Variants in DCUN1D1 observed in about 807,000 individuals in gnomAD.
DCUN1D1 encodes defective in cullin neddylation 1 domain containing 1.
A neutral mutation model predicts 39.0 loss-of-function variants in DCUN1D1; 3 were observed. The ratio of observed to expected loss-of-function variants is 0.08; its 90% CI spans 0.04 to 0.20. The LOEUF is 0.20. DCUN1D1 is among the 10% of genes least tolerant of loss of function. The pLI, the probability that DCUN1D1 is intolerant of heterozygous loss-of-function variation, is 1.00. For missense variants in DCUN1D1, 158 were observed against 302.4 expected (o/e 0.52, Z 3.54); for synonymous variants, 82 against 96.3 (o/e 0.85, Z 0.87).
intron 1 of DCUN1D1, among the ~76,000 whole-genome samples, chr3:182,974,747 A>G (rs375572531): frequency 7.1e-6 from 1 of 141,348 alleles, no homozygotes; most frequent in African/African-American, 2.5e-5. Flanking sequence ...GAGTGATTCA[A>G]AAGTATAATA....
chr3:182,982,984 C>T (rs1334664570), upstream of DCUN1D1, among the ~76,000 whole-genome samples: 1 of 152,138 alleles, frequency 6.6e-6, no homozygotes, highest in African/African-American at 2.4e-5. Flanking sequence ...TAACTTCTTA[C>T]CTAATCTTCC....
rs1185222048 is a variant in DCUN1D1, at chr3:182,939,138, G to A, written c.*5956C>T. 9.2e-5 allele frequency: 14 copies of A among 152,170 alleles called. No individual in the cohort carries two copies. Among genetic ancestry groups the A allele is most frequent in the Non-Finnish European group, 1.8e-4 (12 of 68,026 alleles). 9.4% of individuals were successfully genotyped at this position (152,170 alleles called of 1,614,324 possible). On this transcript the variant is annotated 3_prime_UTR_variant, in exon 7 of 7. Transcript: ENST00000292782. ...CAAACTGCACATCCAATCGATACAC[G>A]AGTTGGGATGCCTAGGTATAACTCA...
intron 1 of DCUN1D1, among the ~76,000 whole-genome samples, chr3:182,973,664 G>GTA (rs1237441947): frequency 6.6e-6 from 1 of 151,986 alleles, no homozygotes; most frequent in Non-Finnish European, 1.5e-5. Context: ...AAAATTAGCT[G>GTA]GGCATGGTGG....
intron 1 of DCUN1D1, among the ~76,000 whole-genome samples, chr3:182,969,639 G>C (rs1260832709): frequency 6.6e-6 from 1 of 152,136 alleles, no homozygotes; most frequent in Non-Finnish European, 1.5e-5. Flanking sequence ...GTATTCCAAT[G>C]TTAAAACTAC....
intron 1 of DCUN1D1, 73 bp from the exon 2 acceptor site, chr3:182,965,826 T>A: frequency 1.1e-6 from 1 of 927,932 alleles, no homozygotes; most frequent in Non-Finnish European, 1.7e-6. Flanking sequence ...TATGGCTAAC[T>A]AAACATTCTT....
intron 1 of DCUN1D1, among the ~76,000 whole-genome samples, chr3:182,977,979 G>T (rs1728326761): frequency 1.3e-5 from 2 of 150,602 alleles, no homozygotes; most frequent in South Asian, 2.1e-4. Context: ...GGCACGGGTT[G>T]CAGTGAGCCA....
At chr3:182,961,533 G>A (rs988587771) in intron 3 of DCUN1D1, among the ~76,000 whole-genome samples, 177 bp from the exon 4 acceptor site, 2 of 152,128 alleles carry the variant, frequency 1.3e-5, no homozygotes, top group African/African-American at 4.8e-5. Flanking sequence ...TTAGCTGCGG[G>A]AAGAAGAGGT....
At position 182,938,586 on chromosome 3, in the gene DCUN1D1, C is replaced by T. The variant is rs1048222657; in HGVS notation, c.*6508G>A. The T allele has an allele frequency of 6.6e-6, 1 of 152,074 alleles. No homozygotes were observed. The highest frequency in any genetic ancestry group is 2.4e-5 in the African/African-American group (1 of 41,420). 9.4% of individuals were successfully genotyped at this position (152,074 alleles called of 1,614,324 possible). ...GGCATTTAGATAAATCAAGATTGGC[C>T]ATGGATTGATCATGTTAACATGAGT... On this transcript the variant is annotated 3_prime_UTR_variant, in exon 7 of 7. Transcript: ENST00000292782.
At chr3:182,949,383 A>C (rs1397143040) in intron 4 of DCUN1D1, among the ~76,000 whole-genome samples, 1 of 151,904 alleles carries the variant, frequency 6.6e-6, no homozygotes, top group East Asian at 1.9e-4. Flanking sequence ...AAAAAAGAGC[A>C]AACTTGATGC....
chr3:182,976,434 TATAC>T lies in DCUN1D1; in HGVS notation c.3+4049_3+4052del, dbSNP rs1360580105. Among the ~76,000 whole-genome samples, 43 of 115,450 alleles carry T rather than the reference TATAC, an allele frequency of 3.7e-4. No homozygotes were observed. The Middle Eastern group carries it at 0.013, about 36-fold the overall frequency. The allele number at this position is 115,450 out of a possible 152,430, so 75.7% of individuals were successfully genotyped here. On this transcript the variant is annotated intron_variant, in intron 1 of 6. Coordinates refer to ENST00000292782, the MANE Select transcript of DCUN1D1 (RefSeq NM_020640.4). ...GACCCCCTGTATATACACATGTACA[TATAC>T]ATACATACACACACACACACACACA...
chr3:182,949,564 T>A (rs1325997641), intron 4 of DCUN1D1, among the ~76,000 whole-genome samples: 1 of 151,590 alleles, frequency 6.6e-6, no homozygotes, highest in East Asian at 1.9e-4. Context: ...TAGAAAAAAT[T>A]TAAAAATTAG....
intron 4 of DCUN1D1, among the ~76,000 whole-genome samples, chr3:182,953,343 T>C (rs1177181376): frequency 1.3e-5 from 2 of 152,150 alleles, no homozygotes; most frequent in East Asian, 1.9e-4. Flanking sequence ...AAATGTTAAT[T>C]GTCACAGGTA....
intron 1 of DCUN1D1, among the ~76,000 whole-genome samples, chr3:182,971,729 A>G (rs1349759785): frequency 6.6e-6 from 1 of 152,210 alleles, no homozygotes; most frequent in Non-Finnish European, 1.5e-5. Flanking sequence ...CATTTTACCA[A>G]TGAGGAACCA....
chr3:182,984,304 G>C (rs1728656896), upstream of DCUN1D1, among the ~76,000 whole-genome samples: 2 of 152,188 alleles, frequency 1.3e-5, no homozygotes, highest in South Asian at 4.1e-4. Flanking sequence ...CAATCATCAT[G>C]ATTGGGTGAG....
At position 182,943,381 on chromosome 3, in the gene DCUN1D1, C is replaced by G. The variant is rs1425718531; in HGVS notation, c.*1713G>C. 6 of 152,104 alleles carry G rather than the reference C, an allele frequency of 3.9e-5. No individual in the cohort carries two copies. Among genetic ancestry groups the G allele is most frequent in the Non-Finnish European group, 8.8e-5 (6 of 67,944 alleles). The allele number at this position is 152,104 out of a possible 1,614,324, so 9.4% of individuals were successfully genotyped here. On this transcript the variant is annotated 3_prime_UTR_variant, in exon 7 of 7. Transcript: ENST00000292782. The stretch of plus-strand genomic sequence containing the variant: ...TTCTTTTAATAACCAATTCCAGTAG[C>G]CTGAATAGAAATTTTCAAATTTTTC...
intron 1 of DCUN1D1, among the ~76,000 whole-genome samples, chr3:182,971,871 G>A (rs563848548): frequency 1.3e-5 from 2 of 152,054 alleles, no homozygotes; most frequent in African/African-American, 4.8e-5. Flanking sequence ...AAACAAAAAG[G>A]GCAAAAGTGC....
At chr3:182,966,844 C>T (rs774993275) in intron 1 of DCUN1D1, among the ~76,000 whole-genome samples, 50 of 152,318 alleles carry the variant, frequency 3.3e-4, no homozygotes, top group Non-Finnish European at 5.7e-4. Context: ...CAGTGGCTCA[C>T]GCCTGTAATC....
intron 4 of DCUN1D1, chr3:182,955,981 T>G (rs1213934875): frequency 6.6e-6 from 1 of 150,602 alleles, no homozygotes; most frequent in African/African-American, 2.5e-5. Context: ...CAGGCTGGAG[T>G]ACAGTGGCAC....
chr3:182,965,904 A>G, intron 1 of DCUN1D1, 151 bp from the exon 2 acceptor site: 1 of 621,128 alleles, frequency 1.6e-6, no homozygotes, highest in Non-Finnish European at 2.8e-6. Context: ...TCTATTATTC[A>G]TCAGAAAGGC....
Sources: allele counts gnomAD v4.1 joint callset (sites outside exome capture counted in the v4.1 genomes callset), GRCh38; gene constraint gnomAD v4.1.1; transcripts MANE v1.5; gene names NCBI Gene and HGNC (gene_info 2026-07-23, HGNC 2026-07-21).